IQGAP2: variants seen among roughly 807,000 people sequenced by gnomAD.
IQGAP2 encodes the protein ras GTPase-activating-like protein IQGAP2.
A neutral mutation model predicts 201.3 loss-of-function variants in IQGAP2; 173 were observed. The ratio of observed to expected loss-of-function variants is 0.86; its 90% CI spans 0.76 to 0.98. IQGAP2 has a LOEUF of 0.98. Ranked by LOEUF, IQGAP2 falls within the 50% of genes least tolerant of loss-of-function variation. The pLI is 0.00. For missense variants in IQGAP2, 1,687 were observed against 1,864.8 expected, an observed-to-expected ratio of 0.90 and a Z score of 1.76; for synonymous variants, 675 against 673.9, an observed-to-expected ratio of 1.00 and a Z score of -0.03.
intron 20 of IQGAP2, 50 bp from the exon 21 acceptor site, chr5:76,658,409 A>T: frequency 1.4e-6 from 2 of 1,403,194 alleles, no homozygotes; most frequent in Non-Finnish European, 2.0e-6. Flanking sequence ...TCCTGTTGAT[A>T]ATCATTCCAA....
chr5:76,528,365 A>G (rs201328446), intron 2 of IQGAP2, among the ~76,000 whole-genome samples: 2 of 118,004 alleles, frequency 1.7e-5, no homozygotes, highest in African/African-American at 6.7e-5. Context: ...GCTCTATTTT[A>G]TATATTATAA....
intron 4 of IQGAP2, among the ~76,000 whole-genome samples, chr5:76,574,528 C>T (rs929737594): frequency 6.6e-6 from 1 of 152,224 alleles, no homozygotes; most frequent in African/African-American, 2.4e-5. Context: ...CTCAGCCTCC[C>T]AAAGTGTTGG....
intron 29 of IQGAP2, among the ~76,000 whole-genome samples, 187 bp downstream of exon 29, chr5:76,683,404 G>A (rs557581505): frequency 4.1e-4 from 62 of 152,090 alleles, no homozygotes; most frequent in Non-Finnish European, 6.2e-4. Flanking sequence ...AATGGAGTCC[G>A]GGATTATAAA....
chr5:76,621,167 G>C (rs1195783581), intron 13 of IQGAP2, among the ~76,000 whole-genome samples: 1 of 152,102 alleles, frequency 6.6e-6, no homozygotes, highest in African/African-American at 2.4e-5. Context: ...GTTTCATTCA[G>C]AGCCAGTTTC....
chr5:76,409,119 AAAAAAC>A (rs2150069018), intron 1 of IQGAP2, among the ~76,000 whole-genome samples: 1 of 120,036 alleles, frequency 8.3e-6, no homozygotes, highest in Non-Finnish European at 2.0e-5. Flanking sequence ...ACAAACAAAC[AAAAAAC>A]AACAACACAA....
chr5:76,504,380 G>C (rs1262027169), intron 2 of IQGAP2, among the ~76,000 whole-genome samples: 1 of 152,112 alleles, frequency 6.6e-6, no homozygotes, highest in African/African-American at 2.4e-5. Flanking sequence ...AGGTTTTTCT[G>C]CCTTCCTAAT....
chr5:76,609,142 G>A (rs751628607), intron 12 of IQGAP2: 1 of 1,535,870 alleles, frequency 6.5e-7, no homozygotes, highest in South Asian at 1.2e-5. Context: ...TTTAGCAGGT[G>A]ATTTCAATCA....
chr5:76,532,269 G>T (rs955590767), intron 2 of IQGAP2, among the ~76,000 whole-genome samples: 1 of 152,210 alleles, frequency 6.6e-6, no homozygotes, highest in Non-Finnish European at 1.5e-5. Context: ...ATACTCAAGA[G>T]GCTGAATTGC....
chr5:76,415,862 T>C (rs1272541829), intron 1 of IQGAP2, among the ~76,000 whole-genome samples: 1 of 151,894 alleles, frequency 6.6e-6, no homozygotes, highest in Non-Finnish European at 1.5e-5. Flanking sequence ...AGAGAATCCC[T>C]TGAACCCAGG....
At chr5:76,600,078 G>T (rs866073540) in intron 10 of IQGAP2, among the ~76,000 whole-genome samples, 32 of 152,228 alleles carry the variant, frequency 2.1e-4, no homozygotes, top group African/African-American at 6.5e-4. Context: ...AACCTGGGAG[G>T]CGGAGGCTGC....
At chr5:76,589,803 C>A in intron 7 of IQGAP2, 75 bp downstream of exon 7, 1 of 697,946 alleles carries the variant, frequency 1.4e-6, no homozygotes, top group South Asian at 2.6e-5. Flanking sequence ...TTTGATTACT[C>A]GAAATAGAAT....
intron 2 of IQGAP2, among the ~76,000 whole-genome samples, chr5:76,526,775 C>T (rs1759000014): frequency 6.6e-6 from 1 of 152,178 alleles, no homozygotes; most frequent in South Asian, 2.1e-4. Context: ...CCCAAAAGGT[C>T]TGGCTACTCT....
At chr5:76,496,753 C>CTTTCTTTCTTTCTTTTCT (rs1561416430) in intron 2 of IQGAP2, among the ~76,000 whole-genome samples, 1 of 65,438 alleles carries the variant, frequency 1.5e-5, no homozygotes, top group African/African-American at 9.4e-5. Context: ...TTCTTTCTTT[C>CTTTCTTTCTTTCTTTTCT]TTTCTTTCTT....
At chr5:76,544,985 TATGTAAATATATAC>T (rs1486489279) in intron 2 of IQGAP2, among the ~76,000 whole-genome samples, 8 of 151,942 alleles carry the variant, frequency 5.3e-5, no homozygotes, top group Non-Finnish European at 1.2e-4. Context: ...ATATGTACTA[TATGTAAATATATAC>T]ATATGTAGTT....
chr5:76,546,676 G>C (rs1743117726), intron 2 of IQGAP2, among the ~76,000 whole-genome samples: 1 of 152,156 alleles, frequency 6.6e-6, no homozygotes, highest in South Asian at 2.1e-4. Context: ...TCTGCTCTCT[G>C]TAGTCAGGAT....
At chr5:76,586,060 G>T (rs1746224243) in intron 5 of IQGAP2, among the ~76,000 whole-genome samples, 1 of 152,088 alleles carries the variant, frequency 6.6e-6, no homozygotes, top group South Asian at 2.1e-4. Context: ...TGTCAGCATG[G>T]TATCTTAATG....
At chr5:76,409,370 C>T (rs1395722515) in intron 1 of IQGAP2, among the ~76,000 whole-genome samples, 2 of 150,944 alleles carry the variant, frequency 1.3e-5, no homozygotes, top group African/African-American at 2.4e-5. Context: ...CCTCACCCTC[C>T]TGAGTAGCTG....
At chr5:76,689,180 T>A (rs936001862) in intron 30 of IQGAP2, among the ~76,000 whole-genome samples, 1 of 137,112 alleles carries the variant, frequency 7.3e-6, no homozygotes, top group Non-Finnish European at 1.5e-5. Context: ...ATAGAGAACC[T>A]CAGTTTGGGC....
chr5:76,667,877 C>CTTTTTTT lies in IQGAP2; in HGVS notation c.2680-787_2680-781dup, dbSNP rs540744402. 4.5e-4 allele frequency among the ~76,000 whole-genome samples: 56 copies of CTTTTTTT among 123,414 alleles called. 2 individuals are homozygous for CTTTTTTT. Among genetic ancestry groups the CTTTTTTT allele is most frequent in the African/African-American group, 6.6e-4 (21 of 31,942 alleles). 81.0% of individuals were successfully genotyped at this position (123,414 alleles called of 152,430 possible). A position where few individuals can be genotyped will look rare whatever the true frequency, so the allele number is the denominator to read the frequency against. ...TGTAGCCGGGCCCTTAGTCCACTTTCTTTTTTTTTTTTTTTTTTTTTTTGA... is the reference window on the plus strand; with the variant it reads ...TGTAGCCGGGCCCTTAGTCCACTTTCTTTTTTTTTTTTTTTTTTTTTTTTTTTTTTGA... On this transcript the variant is annotated intron_variant, in intron 22 of 35. Transcript: ENST00000274364.
Sources: gnomAD v4.1 joint callset for allele counts (sites outside exome capture counted in the v4.1 genomes callset) on GRCh38, gnomAD v4.1.1 for gene constraint, MANE v1.5 for transcripts, NCBI Gene and HGNC (gene_info 2026-07-23, HGNC 2026-07-21) for gene names.